SPSB1: variants seen among roughly 807,000 people sequenced by gnomAD.
SPSB1 encodes the protein SPRY domain-containing SOCS box protein 1.
A neutral mutation model predicts 21.2 loss-of-function variants in SPSB1; 8 were observed. The observed-to-expected ratio is 0.38, with a 90% CI of 0.22 to 0.68. The LOEUF (loss-of-function observed/expected upper bound fraction) is 0.68. Among genes scored for constraint, SPSB1 ranks in the 30% least tolerant of loss-of-function variants. The pLI is 0.53. For missense variants in SPSB1, 242 were observed against 377.8 expected (o/e 0.64, Z 2.98); for synonymous variants, 169 against 161.7 (o/e 1.05, Z -0.34).
rs760886109 is a variant in SPSB1, at chr1:9,356,101, C to T, written c.210C>T (p.Asp70=). Residue 70 remains aspartate (D), a synonymous_variant, in exon 2 of 3, where the codon GAC becomes GAT. Coordinates refer to ENST00000328089, the MANE Select transcript of SPSB1 (RefSeq NM_025106.4). The surrounding 1 kb of genome is among the most constrained non-coding windows in gnomAD (Gnocchi z 7.4). Reference sequence around the variant, plus strand: ...CGCTCAATGTCTTTGTGAAGGAGGACGACAAGCTCATCTTTCACCGGCATC... The same window carrying T: ...CGCTCAATGTCTTTGTGAAGGAGGATGACAAGCTCATCTTTCACCGGCATC... ...DRSLNVFVKE[D]DKLIFHRHPV... 39 of 1,606,520 alleles carry T rather than the reference C, an allele frequency of 2.4e-5. No homozygotes were observed. The highest frequency in any genetic ancestry group is 1.7e-4 in the Middle Eastern group (1 of 6,056).
chr1:9,334,572 T>A (rs1285998695), intron 1 of SPSB1, among the ~76,000 whole-genome samples: 1 of 152,164 alleles, frequency 6.6e-6, no homozygotes, highest in Non-Finnish European at 1.5e-5. Flanking sequence ...TTAGGTACCT[T>A]CATATTGTTG....
chr1:9,367,350 G>A lies in SPSB1; in HGVS notation c.695-98G>A. On this transcript the variant is annotated intron_variant, in intron 2 of 2. Coordinates refer to ENST00000328089, the MANE Select transcript of SPSB1 (RefSeq NM_025106.4). The surrounding 1 kb of genome is among the most constrained non-coding windows in gnomAD (Gnocchi z 5.9). Reference sequence around the variant, plus strand: ...TTTCATTGTTTCTTTACTGATTTGAGTGAATACTAATCAGTGATAATATTG... The same window carrying A: ...TTTCATTGTTTCTTTACTGATTTGAATGAATACTAATCAGTGATAATATTG... 6.4e-7 allele frequency: 1 copy of A among 1,565,242 alleles called. No homozygotes were observed. Among genetic ancestry groups the A allele is most frequent in the Non-Finnish European group, 8.7e-7 (1 of 1,144,734 alleles).
rs1317633230 is a variant in SPSB1 at position 9,368,510 on chromosome 1, C to G, written c.*935C>G. The G allele has an allele frequency of 6.6e-6, 1 of 152,236 alleles. No individual in the cohort carries two copies. Among genetic ancestry groups the G allele is most frequent in the African/African-American group, 2.4e-5 (1 of 41,452 alleles). The allele number at this position is 152,236 out of a possible 1,614,324, so 9.4% of individuals were successfully genotyped here. A position where few individuals can be genotyped will look rare whatever the true frequency, so the allele number is the denominator to read the frequency against. ...GCAATTCCCCTGTGTCTCCAGGTAA[C>G]CAGCTAACTCTTGGGCTCAGGCACC... On this transcript the variant is annotated 3_prime_UTR_variant, in exon 3 of 3. Transcript: ENST00000328089.
rs1420864826 is a variant in SPSB1 at position 9,321,927 on chromosome 1, G to A, written c.-150+28856G>A. Among the ~76,000 whole-genome samples the A allele has an allele frequency of 6.6e-6, 1 of 152,180 alleles. No homozygotes were observed. The highest frequency in any genetic ancestry group is 1.5e-5 in the Non-Finnish European group (1 of 68,032). ...ATACCCGTAGGTGCCATTGACGAGT[G>A]ATCCTGCTCTGGGCTCTCCAGTCAC... On this transcript the variant is annotated intron_variant, in intron 1 of 2. Coordinates refer to ENST00000328089, the MANE Select transcript of SPSB1 (RefSeq NM_025106.4). The surrounding 1 kb of genome is among the most constrained non-coding windows in gnomAD (Gnocchi z 4.8).
chr1:9,315,527 C>T (rs525476), intron 1 of SPSB1, among the ~76,000 whole-genome samples: 51,863 of 152,214 alleles, frequency 0.34, 9,271 homozygotes, highest in East Asian at 0.65. Context: ...GGGGTGGGAG[C>T]TGAATGTGAA....
Position 9,368,247 on chromosome 1 carries a change from C to G in SPSB1, c.*672C>G, listed in dbSNP as rs760088144. 6.5e-6 allele frequency: 1 copy of G among 152,812 alleles called. No homozygotes were observed. The highest frequency in any genetic ancestry group is 1.5e-5 in the Non-Finnish European group (1 of 68,262). The allele number at this position is 152,812 out of a possible 1,614,324, so 9.5% of individuals were successfully genotyped here. ...TCTAGAAAGGAAACCCTGTTTCAGTCCCCTCTCTCTGGCTGTTCTGTTACT... is the reference window on the plus strand; with the variant it reads ...TCTAGAAAGGAAACCCTGTTTCAGTGCCCTCTCTCTGGCTGTTCTGTTACT... On this transcript the variant is annotated 3_prime_UTR_variant, in exon 3 of 3. Coordinates refer to ENST00000328089, the MANE Select transcript of SPSB1 (RefSeq NM_025106.4).
intron 1 of SPSB1, among the ~76,000 whole-genome samples, chr1:9,335,031 T>C (rs1203757858): frequency 1.3e-5 from 2 of 152,242 alleles, no homozygotes; most frequent in African/African-American, 2.4e-5. Context: ...TTCAAGGCCC[T>C]GCTTTGCATT....
rs373288178 is a variant in SPSB1 at position 9,321,262 on chromosome 1, C to T, written c.-150+28191C>T. The stretch of plus-strand genomic sequence containing the variant: ...TTGGGGCTTAGCTGACTCCTTCGAG[C>T]GTCGAGTTTCTGGGTTGATGGCACA... On this transcript the variant is annotated intron_variant, in intron 1 of 2. Transcript: ENST00000328089. This position sits in a 1 kb window ranked among gnomAD's most constrained non-coding sequence, Gnocchi z 4.8. Among the ~76,000 whole-genome samples, 2 of 152,152 alleles carry T rather than the reference C, an allele frequency of 1.3e-5. No homozygotes were observed. Among genetic ancestry groups the T allele is most frequent in the African/African-American group, 4.8e-5 (2 of 41,408 alleles).
chr1:9,356,689 A>T lies in SPSB1; in HGVS notation c.694+104A>T. 1 of 1,473,248 alleles carries T rather than the reference A, an allele frequency of 6.8e-7. No individual in the cohort carries two copies. Among genetic ancestry groups the T allele is most frequent in the Non-Finnish European group, 9.0e-7 (1 of 1,115,734 alleles). 91.3% of individuals were successfully genotyped at this position (1,473,248 alleles called of 1,614,324 possible). On this transcript the variant is annotated intron_variant, in intron 2 of 2. Transcript: ENST00000328089. This position sits in a 1 kb window ranked among gnomAD's most constrained non-coding sequence, Gnocchi z 7.4. ...ATTCATTGGAACTAGAGTGTTTTGA[A>T]GACGATATTCCAGTGTATTCAGACC...
intron 2 of SPSB1, among the ~76,000 whole-genome samples, chr1:9,357,695 G>A (rs1163118725): frequency 6.6e-6 from 1 of 152,208 alleles, no homozygotes; most frequent in Non-Finnish European, 1.5e-5. Flanking sequence ...TGTCCCTTTG[G>A]GAAGGGGAGT....
rs563398158 is a variant in SPSB1 at position 9,305,566 on chromosome 1, G to A, written c.-150+12495G>A. On this transcript the variant is annotated intron_variant, in intron 1 of 2. Transcript: ENST00000328089. This position sits in a 1 kb window ranked among gnomAD's most constrained non-coding sequence, Gnocchi z 4.8. ...ATCCTAGCAGGGTCTGGGAGAGCTC[G>A]ATGTGGGCCCAGGGTGTGGGTGCTG... Among the ~76,000 whole-genome samples the A allele has an allele frequency of 3.3e-5, 5 of 152,178 alleles. No homozygotes were observed. The highest frequency in any genetic ancestry group is 5.9e-5 in the Non-Finnish European group (4 of 68,012).
At chr1:9,312,739 T>A (rs908921298) in intron 1 of SPSB1, among the ~76,000 whole-genome samples, 1 of 152,060 alleles carries the variant, frequency 6.6e-6, no homozygotes, top group Non-Finnish European at 1.5e-5. Context: ...TTTCTTTGGG[T>A]TTTATTATTA....
intron 1 of SPSB1, among the ~76,000 whole-genome samples, chr1:9,335,955 A>C (rs947876119): frequency 3.3e-5 from 5 of 152,232 alleles, no homozygotes; most frequent in African/African-American, 1.2e-4. Flanking sequence ...ATCAAGTACA[A>C]GGTACTCAGA....
Position 9,293,858 on chromosome 1 carries a change from G to C in SPSB1, c.-150+787G>C, listed in dbSNP as rs1639162459. ...CGGGTGTCTCTGAGAGTGCATCTGC[G>C]TGTGTGTTTGTGCATGTCCTTGTGA... is the stretch of plus-strand genomic sequence containing the variant. On this transcript the variant is annotated intron_variant, in intron 1 of 2. Coordinates refer to ENST00000328089, the MANE Select transcript of SPSB1 (RefSeq NM_025106.4). This position sits in a 1 kb window ranked among gnomAD's most constrained non-coding sequence, Gnocchi z 5.1. Among the ~76,000 whole-genome samples, 1 of 152,160 alleles carries C rather than the reference G, an allele frequency of 6.6e-6. No homozygotes were observed. Among genetic ancestry groups the C allele is most frequent in the Admixed American group, 6.5e-5 (1 of 15,284 alleles).
intron 2 of SPSB1, among the ~76,000 whole-genome samples, chr1:9,359,705 G>GGGA (rs71580083): frequency 7.6e-6 from 1 of 131,188 alleles, no homozygotes; most frequent in East Asian, 2.2e-4. Flanking sequence ...CCGTCTCTGG[G>GGGA]AAAAAAAAAA....
intron 2 of SPSB1, among the ~76,000 whole-genome samples, chr1:9,357,472 G>C (rs184840982): frequency 1.3e-5 from 2 of 152,160 alleles, no homozygotes; most frequent in African/African-American, 4.8e-5. Context: ...GCATATCATC[G>C]AGCTGGGGTT....
rs1219910085 is a variant in SPSB1 at position 9,356,404 on chromosome 1, C to A, written c.513C>A (p.Phe171Leu). The change falls in exon 2 of 3, where the codon TTC becomes TTA. Residue 171 changes from phenylalanine (F) to leucine (L), a missense_variant. Transcript: ENST00000328089. The surrounding 1 kb of genome is among the most constrained non-coding windows in gnomAD (Gnocchi z 7.4). The stretch of plus-strand genomic sequence containing the variant: ...CCTTTCTGGAACCAGATGAGACATT[C>A]ATTGTCCCTGACTCCTTCCTGGTAG... ...YPAFLEPDET[F>L]IVPDSFLVAL... 1 of 1,614,184 alleles carries A rather than the reference C, an allele frequency of 6.2e-7. No individual in the cohort carries two copies. Among genetic ancestry groups the A allele is most frequent in the Non-Finnish European group, 8.5e-7 (1 of 1,180,044 alleles).
Position 9,366,762 on chromosome 1 carries a change from C to T in SPSB1, c.695-686C>T, listed in dbSNP as rs570450599. On this transcript the variant is annotated intron_variant, in intron 2 of 2. Transcript: ENST00000328089. ...CTAATTTTTGTATTTTTAGTAGAGA[C>T]GGGGTTTCACCATGTTGGCCAGGCT... Among the ~76,000 whole-genome samples the T allele has an allele frequency of 1.5e-3, 228 of 152,150 alleles. 2 individuals are homozygous for T. The highest frequency in any genetic ancestry group is 6.8e-3 in the Middle Eastern group (2 of 294).
intron 1 of SPSB1, among the ~76,000 whole-genome samples, chr1:9,298,430 ATGAATGAATAAG>A (rs202055543): frequency 0.19 from 21,580 of 110,812 alleles, 1,764 homozygotes; most frequent in South Asian, 0.38. Flanking sequence ...AAGTGAACGA[ATGAATGAATAAG>A]TGAATGAATA....
Sources: allele counts gnomAD v4.1 joint callset (sites outside exome capture counted in the v4.1 genomes callset), GRCh38; gene constraint gnomAD v4.1.1; non-coding constraint Gnocchi (gnomAD v3.1); transcripts MANE v1.5; gene names NCBI Gene and HGNC (gene_info 2026-07-23, HGNC 2026-07-21).